Variants in ADAM32 observed in about 807,000 individuals in gnomAD.
The protein encoded by ADAM32 is disintegrin and metalloproteinase domain-containing protein 32.
Under a neutral mutation model 114.9 loss-of-function variants are expected in ADAM32, and 89 were observed. That is an observed-to-expected ratio of 0.77 (90% CI 0.65 to 0.92). The LOEUF (loss-of-function observed/expected upper bound fraction) is 0.92. ADAM32 is among the 40% of genes least tolerant of loss of function. The pLI is 0.00. For missense variants in ADAM32, 870 were observed against 932.8 expected (o/e 0.93, Z 0.88); for synonymous variants, 285 against 307.5 (o/e 0.93, Z 0.77).
Position 39,147,155 on chromosome 8 carries a change from A to G in ADAM32, c.226A>G (p.Ile76Val). 1.0e-6 allele frequency: 1 copy of G among 986,054 alleles called. No individual in the cohort carries two copies. The highest frequency in any genetic ancestry group is 1.4e-6 in the Non-Finnish European group (1 of 737,070). 61.1% of individuals were successfully genotyped at this position (986,054 alleles called of 1,614,324 possible). The change falls in exon 4 of 25, where the codon ATC becomes GTC. Residue 76 changes from isoleucine to valine, a missense_variant. By Grantham distance (29) the Ile-to-Val change is conservative. Transcript: ENST00000379907. ...QRYFLADNFM[I>V]YLYNQGSMNT... Reference sequence around the variant, plus strand: ...ATATTTTTTAGCAGATAATTTTATGATCTATTTGTACAATCAAGGATCTAT... The same window carrying G: ...ATATTTTTTAGCAGATAATTTTATGGTCTATTTGTACAATCAAGGATCTAT...
At chr8:39,143,024 T>C (rs1161469561) in intron 3 of ADAM32, among the ~76,000 whole-genome samples, 3 of 152,216 alleles carry the variant, frequency 2.0e-5, no homozygotes, top group East Asian at 1.9e-4. Context: ...GCATGCATCA[T>C]GAAGCTCTCG....
At chr8:39,125,548 G>T in intron 2 of ADAM32, among the ~76,000 whole-genome samples, 1 of 152,136 alleles carries the variant, frequency 6.6e-6, no homozygotes, top group African/African-American at 2.4e-5. Flanking sequence ...CTTCATCCTA[G>T]GGGTACTCGA....
chr8:39,109,362 A>G (rs971432353), intron 1 of ADAM32, among the ~76,000 whole-genome samples: 1 of 151,988 alleles, frequency 6.6e-6, no homozygotes, highest in African/African-American at 2.4e-5. Context: ...CCTGGCCAAC[A>G]TGGTGAAACC....
chr8:39,203,418 G>C (rs1807579176), intron 11 of ADAM32, among the ~76,000 whole-genome samples: 1 of 152,034 alleles, frequency 6.6e-6, no homozygotes, highest in Non-Finnish European at 1.5e-5. Context: ...ATCTTTGTTG[G>C]TTTAAAGTCT....
At chr8:39,251,363 A>G (rs1811290393) in intron 17 of ADAM32, among the ~76,000 whole-genome samples, 1 of 134,214 alleles carries the variant, frequency 7.5e-6, no homozygotes, top group Non-Finnish European at 1.5e-5. Context: ...TATCAAAAAG[A>G]TGGTCTTTTT....
chr8:39,177,250 A>G (rs918912958), intron 10 of ADAM32, among the ~76,000 whole-genome samples: 4 of 152,104 alleles, frequency 2.6e-5, no homozygotes, highest in African/African-American at 9.7e-5. Context: ...CAGTAGAGAC[A>G]GGATTTCACT....
At chr8:39,165,957 C>G (rs866178419) in intron 9 of ADAM32, 1 of 152,116 alleles carries the variant, frequency 6.6e-6, no homozygotes, top group Non-Finnish European at 1.5e-5. Context: ...TCATTTGTAT[C>G]TGTCCTTCTG....
intron 12 of ADAM32, among the ~76,000 whole-genome samples, chr8:39,220,253 A>G (rs1483579751): frequency 6.6e-6 from 1 of 152,150 alleles, no homozygotes; most frequent in East Asian, 1.9e-4. Flanking sequence ...CTATAAAAAT[A>G]TTGACTTCTG....
chr8:39,234,940 A>G (rs1447653657), intron 16 of ADAM32, among the ~76,000 whole-genome samples: 1 of 152,102 alleles, frequency 6.6e-6, no homozygotes, highest in East Asian at 1.9e-4. Flanking sequence ...GCAAACCTAA[A>G]GCAATCCATA....
chr8:39,136,653 C>G lies in ADAM32; in HGVS notation c.139-4C>G. 1 of 1,523,328 alleles carries G rather than the reference C, an allele frequency of 6.6e-7. No homozygotes were observed. The highest frequency in any genetic ancestry group is 1.3e-5 in the South Asian group (1 of 78,410). The allele number at this position is 1,523,328 out of a possible 1,614,324, so 94.4% of individuals were successfully genotyped here. ...TTCACTCTCAGTTGTTTTGAATTCT[C>G]TAGGAACAAATATCCTATATTATTC... On this transcript the variant is annotated splice_polypyrimidine_tract_variant and splice_region_variant and intron_variant, in intron 2 of 24. Transcript: ENST00000379907.
chr8:39,244,224 A>G lies in ADAM32; in HGVS notation c.1819-1859A>G, dbSNP rs185954805. On this transcript the variant is annotated intron_variant, in intron 16 of 24. Coordinates refer to ENST00000379907, the MANE Select transcript of ADAM32 (RefSeq NM_145004.7). ...AATATATAAATTCAATATAATTCCCATCAAAATACCATCATCATTCTTCAC... is the reference window on the plus strand; with the variant it reads ...AATATATAAATTCAATATAATTCCCGTCAAAATACCATCATCATTCTTCAC... Among the ~76,000 whole-genome samples the G allele has an allele frequency of 7.9e-5, 12 of 152,344 alleles. No individual in the cohort carries two copies. The East Asian group carries it at 2.3e-3, about 29-fold the overall frequency.
intron 19 of ADAM32, among the ~76,000 whole-genome samples, chr8:39,264,031 G>T (rs757363448): frequency 1.6e-4 from 24 of 152,220 alleles, no homozygotes; most frequent in Non-Finnish European, 2.9e-4. Flanking sequence ...TAACCCTCAA[G>T]AAATTTCTTA....
intron 14 of ADAM32, among the ~76,000 whole-genome samples, chr8:39,228,920 A>AT (rs1809560433): frequency 6.6e-6 from 1 of 152,222 alleles, no homozygotes. Context: ...GAATCTTAAG[A>AT]GCTGTGAGAC....
intron 10 of ADAM32, among the ~76,000 whole-genome samples, chr8:39,173,479 A>C (rs1385788306): frequency 1.3e-5 from 2 of 151,140 alleles, no homozygotes; most frequent in African/African-American, 4.9e-5. Context: ...TTCTTTTGAG[A>C]AGTGTCTGTT....
At chr8:39,234,880 T>C (rs893432127) in intron 16 of ADAM32, among the ~76,000 whole-genome samples, 1 of 152,214 alleles carries the variant, frequency 6.6e-6, no homozygotes, top group Non-Finnish European at 1.5e-5. Context: ...GGGACTGGGC[T>C]CTCAACTTTC....
intron 6 of ADAM32, among the ~76,000 whole-genome samples, chr8:39,156,739 C>T (rs562489920): frequency 6.6e-5 from 10 of 152,258 alleles, no homozygotes; most frequent in African/African-American, 2.4e-4. Context: ...ATATAAGTAA[C>T]CACCCTCTCC....
At chr8:39,201,777 C>T (rs1276777424) in intron 11 of ADAM32, among the ~76,000 whole-genome samples, 1 of 152,078 alleles carries the variant, frequency 6.6e-6, no homozygotes, top group African/African-American at 2.4e-5. Context: ...TCATAAATAG[C>T]TCTTATTATT....
Position 39,136,644 on chromosome 8 carries a change from T to C in ADAM32, c.139-13T>C. On this transcript the variant is annotated splice_polypyrimidine_tract_variant and intron_variant, in intron 2 of 24. Transcript: ENST00000379907. Reference sequence around the variant, plus strand: ...AAATTTGTCTTCACTCTCAGTTGTTTTGAATTCTCTAGGAACAAATATCCT... The same window carrying C: ...AAATTTGTCTTCACTCTCAGTTGTTCTGAATTCTCTAGGAACAAATATCCT... The C allele has an allele frequency of 1.3e-6, 2 of 1,510,032 alleles. No individual in the cohort carries two copies. The highest frequency in any genetic ancestry group is 2.4e-5 in the East Asian group (1 of 42,176). 93.5% of individuals were successfully genotyped at this position (1,510,032 alleles called of 1,614,324 possible).
At chr8:39,278,359 G>T (rs185387829) in intron 22 of ADAM32, among the ~76,000 whole-genome samples, 1 of 152,074 alleles carries the variant, frequency 6.6e-6, no homozygotes, top group Non-Finnish European at 1.5e-5. Context: ...GGTGGTTTCC[G>T]GCTTTTCGGC....
Sources: allele counts gnomAD v4.1 joint callset (sites outside exome capture counted in the v4.1 genomes callset), GRCh38; gene constraint gnomAD v4.1.1; transcripts MANE v1.5; gene names NCBI Gene and HGNC (gene_info 2026-07-23, HGNC 2026-07-21).